Variants in CST3 observed in about 807,000 individuals in gnomAD.
CST3 encodes cystatin-C.
Under a neutral mutation model 9.0 loss-of-function variants are expected in CST3, and 14 were observed. That is an observed-to-expected ratio of 1.56 (90% confidence interval 1.03 to 2.44). The LOEUF (loss-of-function observed/expected upper bound fraction) is 2.44, where lower values mean the gene tolerates loss of function less well. Ranked by LOEUF, CST3 falls within the 30% of genes most tolerant of loss-of-function variation. The pLI, the probability that CST3 is intolerant of heterozygous loss-of-function variation, is 0.00. For missense variants in CST3, 237 were observed against 204.3 expected, an observed-to-expected ratio of 1.16 and a Z score of -0.98; for synonymous variants, 96 against 90.2, an observed-to-expected ratio of 1.06 and a Z score of -0.37.
At position 23,633,761 on chromosome 20, in the gene CST3, A is replaced by C; in HGVS notation, c.*155T>G. The C allele has an allele frequency of 1.4e-6, 1 of 728,932 alleles. No individual in the cohort carries two copies. Among genetic ancestry groups the C allele is most frequent in the South Asian group, 1.5e-5 (1 of 67,464 alleles). The allele number at this position is 728,932 out of a possible 1,614,324, so 45.2% of individuals were successfully genotyped here. A position where few individuals can be genotyped will look rare whatever the true frequency, so the allele number is the denominator to read the frequency against. ...GGAGGGCAGAGCCCCTTGCTGAGCA[A>C]CAAAGGCCGCCTGCTGCCTTCTCTG... On this transcript the variant is annotated 3_prime_UTR_variant, in exon 3 of 3. Transcript: ENST00000376925.
Position 23,637,864 on chromosome 20 carries a change from G to A in CST3, c.-2C>T. On this transcript the variant is annotated 5_prime_UTR_variant, in exon 1 of 3. Coordinates refer to ENST00000376925, the MANE Select transcript of CST3 (RefSeq NM_000099.4). ...CGGGGCGCGCAGGGGCCCGGCCATG[G>A]TCGGCTAGGACGCGGGACGCGGGGA... 7.1e-7 allele frequency: 1 copy of A among 1,403,730 alleles called. No homozygotes were observed. The highest frequency in any genetic ancestry group is 9.2e-7 in the Non-Finnish European group (1 of 1,088,092). 87.0% of individuals were successfully genotyped at this position (1,403,730 alleles called of 1,614,324 possible).
rs1422127327 is a variant in CST3 at position 23,635,234 on chromosome 20, G to C, written c.357+20C>G. The C allele has an allele frequency of 7.5e-6, 12 of 1,596,960 alleles. No individual in the cohort carries two copies. The South Asian group carries it at 1.3e-4, about 18-fold the overall frequency. Reference sequence around the variant, plus strand: ...CCTCTGCAGTGTATGACTGGCCCTGGACCCATATAAGGCACATACCCTTTT... The same window carrying C: ...CCTCTGCAGTGTATGACTGGCCCTGCACCCATATAAGGCACATACCCTTTT... On this transcript the variant is annotated intron_variant, in intron 2 of 2. Transcript: ENST00000376925.
Position 23,633,849 on chromosome 20 carries a change from G to A in CST3, c.*67C>T. The stretch of plus-strand genomic sequence containing the variant: ...CAAGGCAGGGGCCACCAGTCCAGGG[G>A]TGGGAATACAGGGGGTGGGAGGTGT... On this transcript the variant is annotated 3_prime_UTR_variant, in exon 3 of 3. Coordinates refer to ENST00000376925, the MANE Select transcript of CST3 (RefSeq NM_000099.4). 1 of 1,353,472 alleles carries A rather than the reference G, an allele frequency of 7.4e-7. No homozygotes were observed. The allele number at this position is 1,353,472 out of a possible 1,614,324, so 83.8% of individuals were successfully genotyped here. A position where few individuals can be genotyped will look rare whatever the true frequency, so the allele number is the denominator to read the frequency against.
intron 2 of CST3, among the ~76,000 whole-genome samples, chr20:23,634,845 G>A (rs1254865130): frequency 1.3e-5 from 2 of 151,986 alleles, no homozygotes; most frequent in African/African-American, 4.8e-5. Flanking sequence ...ACGGATCTAT[G>A]CATGAATCCA....
chr20:23,631,079 T>C (rs530652030), downstream of CST3, among the ~76,000 whole-genome samples: 1 of 152,208 alleles, frequency 6.6e-6, no homozygotes, highest in East Asian at 1.9e-4. Flanking sequence ...CAGTTTCATT[T>C]GGAGGAAGAA....
chr20:23,634,077 G>C lies in CST3; in HGVS notation c.358-78C>G, dbSNP rs563743240. ...AGATGCCCAGGCACGGGACATCAGAGTGGGAGTGAAGAAGGATGGAGGTGA... is the reference window on the plus strand; with the variant it reads ...AGATGCCCAGGCACGGGACATCAGACTGGGAGTGAAGAAGGATGGAGGTGA... On this transcript the variant is annotated intron_variant, in intron 2 of 2. Coordinates refer to ENST00000376925, the MANE Select transcript of CST3 (RefSeq NM_000099.4). The C allele has an allele frequency of 3.3e-5, 39 of 1,183,712 alleles. No homozygotes were observed. The South Asian group carries it at 4.7e-4, about 14-fold the overall frequency. 73.3% of individuals were successfully genotyped at this position (1,183,712 alleles called of 1,614,324 possible).
In CST3 at chr20:23,633,665, T is replaced by C. The variant is rs1979534722; in HGVS notation, c.*251A>G. On this transcript the variant is annotated 3_prime_UTR_variant, in exon 3 of 3. Transcript: ENST00000376925. ...CCAAGAACTCAGAGGGAGCCGATGC[T>C]ACTATTTTATTGCAGGAGGTGGGGG... 3.3e-6 allele frequency: 2 copies of C among 607,666 alleles called. No individual in the cohort carries two copies. The highest frequency in any genetic ancestry group is 5.9e-6 in the Non-Finnish European group (2 of 338,906). The allele number at this position is 607,666 out of a possible 1,614,324, so 37.6% of individuals were successfully genotyped here. A position where few individuals can be genotyped will look rare whatever the true frequency, so the allele number is the denominator to read the frequency against.
exon 4 of CST3, chr20:23,627,797 T>C (rs1185845026): frequency 6.6e-6 from 1 of 152,232 alleles, no homozygotes; most frequent in African/African-American, 2.4e-5. Flanking sequence ...TTTATGCGTT[T>C]ATTGGCTATT....
chr20:23,633,882 A>T lies in CST3; in HGVS notation c.*34T>A. On this transcript the variant is annotated 3_prime_UTR_variant, in exon 3 of 3. Coordinates refer to ENST00000376925, the MANE Select transcript of CST3 (RefSeq NM_000099.4). Reference sequence around the variant, plus strand: ...ACAGGGGGTGGGAGGTGTGCATAAGAGGTGATAGGCACAGGCCAGCCCGGT... The same window carrying T: ...ACAGGGGGTGGGAGGTGTGCATAAGTGGTGATAGGCACAGGCCAGCCCGGT... The T allele has an allele frequency of 6.4e-7, 1 of 1,567,996 alleles. No individual in the cohort carries two copies. Among genetic ancestry groups the T allele is most frequent in the African/African-American group, 1.4e-5 (1 of 73,978 alleles).
downstream of CST3, among the ~76,000 whole-genome samples, chr20:23,633,487 T>G (rs1360299887): frequency 1.3e-5 from 2 of 151,058 alleles, no homozygotes; most frequent in Non-Finnish European, 2.9e-5. Context: ...CTCCCTGCTC[T>G]GAGACTCAGG....
At chr20:23,628,906 T>A (rs1343000372), downstream of CST3, 1 of 152,226 alleles carries the variant, frequency 6.6e-6, no homozygotes, top group African/African-American at 2.4e-5. Flanking sequence ...CTCTTCAGTT[T>A]TGTTGCTTCC....
At position 23,637,859 on chromosome 20, in the gene CST3, C is replaced by A. The variant is rs200984369; in HGVS notation, c.4G>T (p.Ala2Ser). MAGPLRAPLLLL... is the reference protein window; with the variant it reads MSGPLRAPLLLL... Reference sequence around the variant, plus strand: ...AGCAGCGGGGCGCGCAGGGGCCCGGCCATGGTCGGCTAGGACGCGGGACGC... The same window carrying A: ...AGCAGCGGGGCGCGCAGGGGCCCGGACATGGTCGGCTAGGACGCGGGACGC... Residue 2 changes from alanine to serine, a missense_variant, in exon 1 of 3, where the codon GCC becomes TCC. Ala to Ser is a moderately conservative substitution (Grantham distance 99). Transcript: ENST00000376925. 1 of 1,407,774 alleles carries A rather than the reference C, an allele frequency of 7.1e-7. No individual in the cohort carries two copies. The highest frequency in any genetic ancestry group is 9.2e-7 in the Non-Finnish European group (1 of 1,089,888). 87.2% of individuals were successfully genotyped at this position (1,407,774 alleles called of 1,614,324 possible).
In CST3 at chr20:23,636,617, G is replaced by A. The variant is rs555138481; in HGVS notation, c.243+1003C>T. 2.2e-4 allele frequency among the ~76,000 whole-genome samples: 34 copies of A among 152,312 alleles called. No homozygotes were observed. In the East Asian group the frequency reaches 6.4e-3, roughly 29 times the overall value. On this transcript the variant is annotated intron_variant, in intron 1 of 2. Transcript: ENST00000376925. ...GGTGCCAGGCTCACGTGTGGCCCCT[G>A]CGGAGAGTATTCTGGGAGGAGGATG... is the stretch of plus-strand genomic sequence containing the variant.
At chr20:23,636,881 A>G (rs1979697630) in intron 1 of CST3, among the ~76,000 whole-genome samples, 1 of 152,244 alleles carries the variant, frequency 6.6e-6, no homozygotes, top group Admixed American at 6.5e-5. Flanking sequence ...GAGTCTGAGC[A>G]TTAGATCATG....
intron 2 of CST3, among the ~76,000 whole-genome samples, chr20:23,634,792 C>G (rs1979594713): frequency 6.6e-6 from 1 of 152,124 alleles, no homozygotes; most frequent in South Asian, 2.1e-4. Context: ...TCTACATGCA[C>G]ACACATAGGC....
At chr20:23,636,564 G>GA (rs1326473933) in intron 1 of CST3, among the ~76,000 whole-genome samples, 1 of 145,528 alleles carries the variant, frequency 6.9e-6, no homozygotes, top group African/African-American at 2.5e-5. Flanking sequence ...GTGTGACTTG[G>GA]GGAGGGAAGC....
chr20:23,634,565 C>G (rs1191200700), intron 2 of CST3, among the ~76,000 whole-genome samples: 2 of 152,098 alleles, frequency 1.3e-5, no homozygotes, highest in African/African-American at 4.8e-5. Flanking sequence ...CTCTACTACC[C>G]TCTAATCTGC....
chr20:23,628,462 G>C (rs774227113), exon 4 of CST3: 1 of 152,172 alleles, frequency 6.6e-6, no homozygotes, highest in African/African-American at 2.4e-5. Flanking sequence ...AGGTCCAGGG[G>C]GCAGGTCCTC....
chr20:23,637,567 G>A lies in CST3; in HGVS notation c.243+53C>T, dbSNP rs537694094. On this transcript the variant is annotated intron_variant, in intron 1 of 2. Coordinates refer to ENST00000376925, the MANE Select transcript of CST3 (RefSeq NM_000099.4). ...ACGGGGTCCGGGAGCAGCGCGGGGGGAGGCTGGGACGGCGGGGCCGGGGCT... is the reference window on the plus strand; with the variant it reads ...ACGGGGTCCGGGAGCAGCGCGGGGGAAGGCTGGGACGGCGGGGCCGGGGCT... The A allele has an allele frequency of 5.1e-4, 726 of 1,421,314 alleles. 4 individuals are homozygous for A. The African/African-American group carries it at 9.9e-3, about 19-fold the overall frequency. 88.0% of individuals were successfully genotyped at this position (1,421,314 alleles called of 1,614,324 possible). A position where few individuals can be genotyped will look rare whatever the true frequency, so the allele number is the denominator to read the frequency against.
Sources: gnomAD v4.1 joint callset for allele counts (sites outside exome capture counted in the v4.1 genomes callset) on GRCh38, gnomAD v4.1.1 for gene constraint, MANE v1.5 for transcripts, NCBI Gene and HGNC (gene_info 2026-07-23, HGNC 2026-07-21) for gene names.